The following RPS6KA2 variants were observed in gnomAD, a reference collection of about 807,000 sequenced individuals.
The protein encoded by RPS6KA2 is ribosomal protein S6 kinase alpha-2.
RPS6KA2 carries 42 observed loss-of-function variants against 91.8 expected under a neutral mutation model. That is an observed-to-expected ratio of 0.46 (90% confidence interval 0.36 to 0.59). RPS6KA2 has a LOEUF of 0.59. RPS6KA2 is among the 20% of genes least tolerant of loss of function. RPS6KA2 has a pLI of 0.00. For synonymous variants in RPS6KA2, 414 were observed against 393.6 expected, an observed-to-expected ratio of 1.05 and a Z score of -0.61; for missense variants, 798 against 978.5, an observed-to-expected ratio of 0.82 and a Z score of 2.46.
At chr6:166,574,263 G>A (rs570364050) in intron 1 of RPS6KA2, among the ~76,000 whole-genome samples, 16 of 152,286 alleles carry the variant, frequency 1.1e-4, no homozygotes, top group African/African-American at 3.4e-4. Flanking sequence ...CCCGTCACCC[G>A]GGTACTGAGC....
chr6:166,465,592 C>G (rs1196553613), intron 11 of RPS6KA2, among the ~76,000 whole-genome samples: 1 of 152,218 alleles, frequency 6.6e-6, no homozygotes, highest in East Asian at 1.9e-4. Context: ...GTGTCCTGAA[C>G]ACGGTGTTTT....
At chr6:166,578,893 C>T (rs952413286) in intron 1 of RPS6KA2, among the ~76,000 whole-genome samples, 2 of 152,236 alleles carry the variant, frequency 1.3e-5, no homozygotes, top group African/African-American at 4.8e-5. Context: ...AGGAACGTCA[C>T]AGCTTAGAAA....
At chr6:166,560,739 C>T (rs578221413) in intron 1 of RPS6KA2, among the ~76,000 whole-genome samples, 7 of 152,250 alleles carry the variant, frequency 4.6e-5, no homozygotes, top group South Asian at 4.1e-4. Flanking sequence ...GCAGGTGCAA[C>T]GTGACCAAGT....
intron 10 of RPS6KA2, among the ~76,000 whole-genome samples, chr6:166,483,169 T>C (rs543754043): frequency 5.9e-5 from 9 of 152,312 alleles, no homozygotes; most frequent in African/African-American, 2.2e-4. Context: ...CGTCTATGTG[T>C]GTGGGGAGAG....
At chr6:166,617,051 C>T (rs1289676864) in intron 1 of RPS6KA2, among the ~76,000 whole-genome samples, 1 of 152,230 alleles carries the variant, frequency 6.6e-6, no homozygotes, top group Non-Finnish European at 1.5e-5. Flanking sequence ...TGCCGGGCGC[C>T]CGCTCCATCG....
intron 3 of RPS6KA2, among the ~76,000 whole-genome samples, chr6:166,526,536 T>C (rs1471217408): frequency 1.3e-5 from 2 of 152,022 alleles, no homozygotes; most frequent in South Asian, 4.2e-4. Flanking sequence ...AAATTTTTCG[T>C]AGAGATGGGG....
chr6:166,687,342 T>G (rs567651210), intron 2 of RPS6KA2, among the ~76,000 whole-genome samples: 1 of 152,330 alleles, frequency 6.6e-6, no homozygotes, highest in East Asian at 1.9e-4. Flanking sequence ...GACACGCACA[T>G]GCCTTGATAG....
At chr6:166,656,233 G>A (rs1328395247) in intron 2 of RPS6KA2, among the ~76,000 whole-genome samples, 1 of 152,172 alleles carries the variant, frequency 6.6e-6, no homozygotes, top group Non-Finnish European at 1.5e-5. Flanking sequence ...GGAAATCATT[G>A]ACAGAGGGGT....
chr6:166,448,578 G>T lies in RPS6KA2; in HGVS notation c.1332+146C>A. On this transcript the variant is annotated intron_variant, in intron 14 of 20. Coordinates refer to ENST00000265678, the MANE Select transcript of RPS6KA2 (RefSeq NM_021135.6). This position sits in a 1 kb window ranked among gnomAD's most constrained non-coding sequence, Gnocchi z 4.7. ...CACATATGCTGTGCTCCTATGCTCC[G>T]TGCTCCCATGTGCTGTACATGCTCC... is the stretch of plus-strand genomic sequence containing the variant. 1 of 992,494 alleles carries T rather than the reference G, an allele frequency of 1.0e-6. No homozygotes were observed. 61.5% of individuals were successfully genotyped at this position (992,494 alleles called of 1,614,324 possible).
At chr6:166,492,720 CT>C (rs10533292) in intron 8 of RPS6KA2, among the ~76,000 whole-genome samples, 164 of 141,166 alleles carry the variant, frequency 1.2e-3, no homozygotes, top group African/African-American at 2.0e-3. Context: ...TTTTTCTTTT[CT>C]TTTTTTTTTT....
chr6:166,525,882 T>C (rs750506234), intron 3 of RPS6KA2, among the ~76,000 whole-genome samples: 29 of 152,186 alleles, frequency 1.9e-4, no homozygotes, highest in Non-Finnish European at 1.9e-4. Flanking sequence ...GGTTAGGAGA[T>C]ACTTGAACAA....
intron 2 of RPS6KA2, among the ~76,000 whole-genome samples, chr6:166,780,256 T>C (rs1324152599): frequency 6.6e-6 from 1 of 152,206 alleles, no homozygotes; most frequent in Non-Finnish European, 1.5e-5. Context: ...CAGCTGGGCT[T>C]AGCTGAGAGG....
chr6:166,686,310 C>T (rs1432082910), intron 2 of RPS6KA2, among the ~76,000 whole-genome samples: 7 of 152,176 alleles, frequency 4.6e-5, no homozygotes, highest in African/African-American at 1.4e-4. Context: ...ACCTCTCCTA[C>T]TGTGGGACCC....
At chr6:166,440,063 A>T (rs942001796) in intron 14 of RPS6KA2, 1 of 152,266 alleles carries the variant, frequency 6.6e-6, no homozygotes, top group Non-Finnish European at 1.5e-5. Flanking sequence ...ACTTTAGCCC[A>T]GTGAGACAGA....
intron 12 of RPS6KA2, among the ~76,000 whole-genome samples, chr6:166,455,551 G>A (rs991869420): frequency 1.3e-5 from 2 of 152,200 alleles, no homozygotes; most frequent in Admixed American, 6.5e-5. Context: ...GACCAGAGTC[G>A]GCTGTGTTTG....
rs1782052771 is a variant in RPS6KA2, at chr6:166,502,219, T to C, written c.567-1295A>G. Among the ~76,000 whole-genome samples the C allele has an allele frequency of 3.3e-5, 5 of 152,124 alleles. No homozygotes were observed. In the South Asian group the frequency reaches 1.0e-3, roughly 32 times the overall value. On this transcript the variant is annotated intron_variant, in intron 6 of 20. Transcript: ENST00000265678. ...TGAAAACTGTAAAAGTCATGTGTATTTTTCTACAATTAAAAAAAATCTGCC... is the reference window on the plus strand; with the variant it reads ...TGAAAACTGTAAAAGTCATGTGTATCTTTCTACAATTAAAAAAAATCTGCC...
At chr6:166,489,053 T>G in intron 9 of RPS6KA2, 132 bp from the exon 10 acceptor site, 1 of 668,368 alleles carries the variant, frequency 1.5e-6, no homozygotes, top group South Asian at 1.8e-5. Context: ...ACGTGGGTCT[T>G]AGGACCCTTT....
intron 2 of RPS6KA2, among the ~76,000 whole-genome samples, chr6:166,823,180 T>A (rs1779947454): frequency 6.6e-6 from 1 of 152,136 alleles, no homozygotes; most frequent in Non-Finnish European, 1.5e-5. Context: ...GGCAGAAAGA[T>A]CCAGAATGCC....
At position 166,477,985 on chromosome 6, in the gene RPS6KA2, G is replaced by T. The variant is rs114521659; in HGVS notation, c.908-8080C>A. ...CTGCAAGAATAGATCTGAATTGTTG[G>T]CTCTCATGTACGTTTGGATGAATAA... On this transcript the variant is annotated intron_variant, in intron 10 of 20. Coordinates refer to ENST00000265678, the MANE Select transcript of RPS6KA2 (RefSeq NM_021135.6). Among the ~76,000 whole-genome samples the T allele has an allele frequency of 1.8e-3, 279 of 152,326 alleles. 2 individuals are homozygous for T. The highest frequency in any genetic ancestry group is 6.5e-3 in the African/African-American group (270 of 41,556).
Sources: allele counts gnomAD v4.1 joint callset (sites outside exome capture counted in the v4.1 genomes callset), GRCh38; gene constraint gnomAD v4.1.1; non-coding constraint Gnocchi (gnomAD v3.1); transcripts MANE v1.5; gene names NCBI Gene and HGNC (gene_info 2026-07-23, HGNC 2026-07-21).